Variants in TBCD observed in about 807,000 individuals in gnomAD.
TBCD encodes tubulin folding cofactor D, also known as tubulin-specific chaperone D.
In TBCD, 105 loss-of-function variants were observed where a neutral mutation model predicts 169.3. That is an observed-to-expected ratio of 0.62 (90% CI 0.53 to 0.73). The LOEUF is 0.73. Among genes scored for constraint, TBCD ranks in the 30% least tolerant of loss-of-function variants. TBCD has a pLI of 0.00. For missense variants in TBCD, 1,444 were observed against 1,600.1 expected (o/e 0.90, Z 1.66); for synonymous variants, 700 against 643.9 (o/e 1.09, Z -1.32).
Position 82,930,424 on chromosome 17 carries a change from G to C in TBCD, c.2992-98G>C. The C allele has an allele frequency of 6.6e-7, 1 of 1,504,274 alleles. No individual in the cohort carries two copies. The highest frequency in any genetic ancestry group is 8.9e-7 in the Non-Finnish European group (1 of 1,124,542). The allele number at this position is 1,504,274 out of a possible 1,614,324, so 93.2% of individuals were successfully genotyped here. Reference sequence around the variant, plus strand: ...CTTCGCGTCTCTGCAGCTCGGAGCAGTTCTGCTCTTCAGCAGATGCTTGAC... The same window carrying C: ...CTTCGCGTCTCTGCAGCTCGGAGCACTTCTGCTCTTCAGCAGATGCTTGAC... On this transcript the variant is annotated intron_variant, in intron 32 of 38. Transcript: ENST00000355528. The surrounding 1 kb of genome is among the most constrained non-coding windows in gnomAD (Gnocchi z 5.2).
chr17:82,928,681 C>T (rs1284424988), intron 30 of TBCD, among the ~76,000 whole-genome samples: 1 of 152,082 alleles, frequency 6.6e-6, no homozygotes, highest in Non-Finnish European at 1.5e-5. Context: ...GCCTGATTTC[C>T]TTAGTTCTCA....
At chr17:82,902,562 C>T (rs1298732934) in intron 18 of TBCD, among the ~76,000 whole-genome samples, 2 of 152,196 alleles carry the variant, frequency 1.3e-5, no homozygotes, top group East Asian at 3.9e-4. Context: ...CTTTGTTTAC[C>T]GTTAGAAGTG....
At position 82,944,060 on chromosome 17, in the gene TBCD, A is replaced by G. The variant is rs1320970769; in HGVS notation, c.*1597A>G. ...CTGGCCTGGGATGCACTGAGGATGGAAGGAACAAGTGGCTTCTGAGAAAAA... is the reference window on the plus strand; with the variant it reads ...CTGGCCTGGGATGCACTGAGGATGGGAGGAACAAGTGGCTTCTGAGAAAAA... On this transcript the variant is annotated 3_prime_UTR_variant, in exon 39 of 39. Transcript: ENST00000355528. The G allele has an allele frequency of 6.6e-6, 1 of 152,244 alleles. No individual in the cohort carries two copies. The highest frequency in any genetic ancestry group is 1.5e-5 in the Non-Finnish European group (1 of 68,038). The allele number at this position is 152,244 out of a possible 1,614,324, so 9.4% of individuals were successfully genotyped here.
chr17:82,827,404 G>A (rs1229563697), intron 13 of TBCD, among the ~76,000 whole-genome samples: 2 of 152,194 alleles, frequency 1.3e-5, no homozygotes, highest in Non-Finnish European at 2.9e-5. Context: ...GAGGGGACAT[G>A]GGGATGGAGA....
chr17:82,755,606 T>G (rs928386106), intron 1 of TBCD, among the ~76,000 whole-genome samples: 3 of 152,178 alleles, frequency 2.0e-5, no homozygotes, highest in African/African-American at 7.2e-5. Context: ...GAGGGTATAA[T>G]GAGGCCTATG....
rs757021136 is a variant in TBCD at position 82,905,932 on chromosome 17, G to T, written c.1805-4G>T. On this transcript the variant is annotated splice_polypyrimidine_tract_variant and splice_region_variant and intron_variant, in intron 19 of 38. Coordinates refer to ENST00000355528, the MANE Select transcript of TBCD (RefSeq NM_005993.5). ...ACCTGCCCTCTCGGCCCTGTCTCTT[G>T]CAGTCTTCCCGAGGCTGCTGTCCAT... 6.2e-7 allele frequency: 1 copy of T among 1,608,318 alleles called. No homozygotes were observed. Among genetic ancestry groups the T allele is most frequent in the Admixed American group, 1.7e-5 (1 of 59,432 alleles).
chr17:82,896,066 C>T (rs1254027330), intron 17 of TBCD: 1 of 152,262 alleles, frequency 6.6e-6, no homozygotes, highest in Non-Finnish European at 1.5e-5. Flanking sequence ...GCCCAGGTTT[C>T]CCCTTTCCCA....
chr17:82,752,508 G>A, intron 1 of TBCD, 131 bp downstream of exon 1: 2 of 755,834 alleles, frequency 2.6e-6, no homozygotes, highest in Non-Finnish European at 3.3e-6. Context: ...GCGCGGTCCC[G>A]CGGGCCGTGG....
intron 14 of TBCD, among the ~76,000 whole-genome samples, chr17:82,872,926 G>A (rs969679034): frequency 4.2e-5 from 6 of 144,038 alleles, no homozygotes; most frequent in African/African-American, 1.7e-4. Context: ...CCTCGTGGCC[G>A]ACGGCTTCTG....
intron 1 of TBCD, among the ~76,000 whole-genome samples, chr17:82,755,378 T>C (rs2047349291): frequency 6.6e-6 from 1 of 152,260 alleles, no homozygotes; most frequent in Non-Finnish European, 1.5e-5. Flanking sequence ...GAAGGGATTC[T>C]CTACAGAATG....
chr17:82,849,928 T>TGTTGCCTGTGC (rs2055516886), intron 13 of TBCD, among the ~76,000 whole-genome samples: 1 of 118,632 alleles, frequency 8.4e-6, no homozygotes, highest in Non-Finnish European at 1.8e-5. Context: ...GTTGGCTGTT[T>TGTTGCCTGTGC]TGCTGTTGGC....
Position 82,893,646 on chromosome 17 carries a change from G to A in TBCD, c.1649+14G>A. 1 of 1,559,272 alleles carries A rather than the reference G, an allele frequency of 6.4e-7. No individual in the cohort carries two copies. The highest frequency in any genetic ancestry group is 8.7e-7 in the Non-Finnish European group (1 of 1,146,108). ...CCTGGTTATAAGGTAAGTCTTTAAT[G>A]TATATCACAAAAATAGAATACTCTA... On this transcript the variant is annotated intron_variant, in intron 17 of 38. Transcript: ENST00000355528.
Position 82,893,641 on chromosome 17 carries a change from T to G in TBCD, c.1649+9T>G. On this transcript the variant is annotated intron_variant, in intron 17 of 38. Transcript: ENST00000355528. ...TGTTTCCTGGTTATAAGGTAAGTCT[T>G]TAATGTATATCACAAAAATAGAATA... The G allele has an allele frequency of 6.4e-7, 1 of 1,573,552 alleles. No individual in the cohort carries two copies. Among genetic ancestry groups the G allele is most frequent in the Non-Finnish European group, 8.7e-7 (1 of 1,154,808 alleles).
At chr17:82,858,001 C>G (rs1340334888) in intron 13 of TBCD, among the ~76,000 whole-genome samples, 1 of 152,082 alleles carries the variant, frequency 6.6e-6, no homozygotes, top group Non-Finnish European at 1.5e-5. Context: ...CAGCCTTGAC[C>G]TCCCAGGCTC....
At chr17:82,788,954 A>G (rs1385953469) in intron 7 of TBCD, among the ~76,000 whole-genome samples, 1 of 152,130 alleles carries the variant, frequency 6.6e-6, no homozygotes, top group Non-Finnish European at 1.5e-5. Context: ...AACATTTCAC[A>G]TTTAGGCTTT....
At chr17:82,868,700 A>C (rs543596740) in intron 13 of TBCD, among the ~76,000 whole-genome samples, 3 of 152,242 alleles carry the variant, frequency 2.0e-5, no homozygotes, top group Non-Finnish European at 2.9e-5. Context: ...TAATATTCGT[A>C]GTCCTACAGT....
intron 17 of TBCD, among the ~76,000 whole-genome samples, chr17:82,896,721 C>T (rs2059511939): frequency 6.6e-6 from 1 of 152,172 alleles, no homozygotes; most frequent in Non-Finnish European, 1.5e-5. Context: ...GCCTTGGCCT[C>T]CCAAAATGCT....
At chr17:82,815,821 G>A (rs1416959096) in intron 13 of TBCD, among the ~76,000 whole-genome samples, 1 of 152,154 alleles carries the variant, frequency 6.6e-6, no homozygotes, top group Non-Finnish European at 1.5e-5. Context: ...TTGATGTATG[G>A]GGAGAGCTTT....
At chr17:82,816,962 C>T (rs1567828591) in intron 13 of TBCD, among the ~76,000 whole-genome samples, 1 of 151,876 alleles carries the variant, frequency 6.6e-6, no homozygotes, top group Non-Finnish European at 1.5e-5. Context: ...CTGTGTTTGC[C>T]CGTTTGTATG....
Sources: allele counts gnomAD v4.1 joint callset (sites outside exome capture counted in the v4.1 genomes callset), GRCh38; gene constraint gnomAD v4.1.1; non-coding constraint Gnocchi (gnomAD v3.1); transcripts MANE v1.5; gene names NCBI Gene and HGNC (gene_info 2026-07-23, HGNC 2026-07-21).